Variants in EVI5L observed in about 807,000 individuals in gnomAD.
EVI5L encodes EVI5-like protein.
EVI5L carries 30 observed loss-of-function variants against 106.1 expected under a neutral mutation model. The observed-to-expected ratio is 0.28, with a 90% CI of 0.21 to 0.38. The LOEUF (loss-of-function observed/expected upper bound fraction) is 0.38, where lower values mean the gene tolerates loss of function less well. Ranked by LOEUF, EVI5L falls within the 10% of genes least tolerant of loss-of-function variation. The pLI, the probability that EVI5L is intolerant of heterozygous loss-of-function variation, is 1.00. For missense variants in EVI5L, 809 were observed against 1,098.0 expected, an observed-to-expected ratio of 0.74 and a Z score of 3.72; for synonymous variants, 489 against 483.3, an observed-to-expected ratio of 1.01 and a Z score of -0.15.
chr19:7,851,457 C>G lies in EVI5L; in HGVS notation c.777C>G (p.Thr259=). 6.2e-7 allele frequency: 1 copy of G among 1,613,084 alleles called. No homozygotes were observed. Among genetic ancestry groups the G allele is most frequent in the Non-Finnish European group, 8.5e-7 (1 of 1,179,526 alleles). Residue 259 remains threonine (T), a synonymous_variant, in exon 7 of 20, where the codon ACC becomes ACG. Coordinates refer to ENST00000538904, the MANE Select transcript of EVI5L (RefSeq NM_001159944.3). ...MLQEQLPDLN[T]HFRSQSFHTS... is the part of the protein sequence containing the mutation. ...AGGAGCAGCTCCCAGACCTCAACAC[C>G]CACTTCCGTTCCCAAAGCTTCCACA...
rs1230971785 is a variant in EVI5L, at chr19:7,850,562, G to A, written c.753+440G>A. ...CTGCTCCCGGCTGGCAGGCAGAGCC[G>A]CCAAGGCCGTTTGCGAACATACACA... On this transcript the variant is annotated intron_variant, in intron 6 of 19. Coordinates refer to ENST00000538904, the MANE Select transcript of EVI5L (RefSeq NM_001159944.3). This position sits in a 1 kb window ranked among gnomAD's most constrained non-coding sequence, Gnocchi z 5.4. 2.0e-5 allele frequency among the ~76,000 whole-genome samples: 3 copies of A among 152,072 alleles called. No homozygotes were observed. The highest frequency in any genetic ancestry group is 7.2e-5 in the African/African-American group (3 of 41,406).
chr19:7,830,921 GC>G (rs1978291295), intron 1 of EVI5L, among the ~76,000 whole-genome samples: 2 of 67,842 alleles, frequency 2.9e-5, no homozygotes, highest in Middle Eastern at 0.012. Flanking sequence ...GGGCCTACCC[GC>G]CCCCCATGCT....
chr19:7,860,750 G>A, intron 14 of EVI5L, 61 bp downstream of exon 14: 1 of 1,498,160 alleles, frequency 6.7e-7, no homozygotes, highest in Non-Finnish European at 8.9e-7. Flanking sequence ...GAGGGGTCCT[G>A]GATAAGCTTT....
intron 2 of EVI5L, 130 bp downstream of exon 2, chr19:7,846,809 G>C: frequency 1.6e-6 from 2 of 1,264,490 alleles, no homozygotes; most frequent in South Asian, 3.1e-5. Context: ...CCAGATGCTG[G>C]ATGAGGGACA....
chr19:7,856,047 G>A lies in EVI5L; in HGVS notation c.1179G>A (p.Gln393=). 7.5e-7 allele frequency: 1 copy of A among 1,330,666 alleles called. No individual in the cohort carries two copies. Among genetic ancestry groups the A allele is most frequent in the South Asian group, 2.7e-5 (1 of 37,628 alleles). The allele number at this position is 1,330,666 out of a possible 1,614,324, so 82.4% of individuals were successfully genotyped here. Residue 393 remains glutamine, a synonymous_variant, in exon 11 of 20, where the codon CAG becomes CAA. Transcript: ENST00000538904. The surrounding 1 kb of genome is among the most constrained non-coding windows in gnomAD (Gnocchi z 6.6). Reference sequence around the variant, plus strand: ...GGACGGAGAACCGGCTCCTGAAACAGCGGATTGAAACCCTAGAGAAGGTGA... The same window carrying A: ...GGACGGAGAACCGGCTCCTGAAACAACGGATTGAAACCCTAGAGAAGGTGA... ...RLRTENRLLK[Q]RIETLEKESA...
chr19:7,838,788 G>GA (rs1406468912), intron 1 of EVI5L, among the ~76,000 whole-genome samples: 1 of 151,990 alleles, frequency 6.6e-6, no homozygotes, highest in East Asian at 1.9e-4. Flanking sequence ...GAGAGAGGGG[G>GA]AAAAGCGAGC....
At chr19:7,862,740 A>ACC (rs71179150) in intron 17 of EVI5L, among the ~76,000 whole-genome samples, 3,453 of 22,790 alleles carry the variant, frequency 0.15, 260 homozygotes, top group South Asian at 0.34. Context: ...CCTCCTGACC[A>ACC]CCCCCCCCCG....
rs1447492817 is a variant in EVI5L at position 7,864,470 on chromosome 19, G to A, written c.*768G>A. ...CGCGCCCCCTATCCTGGCCAGTGAT[G>A]GAGGGGTATCTCTACAGGGGTCCTC... On this transcript the variant is annotated 3_prime_UTR_variant, in exon 20 of 20. Coordinates refer to ENST00000538904, the MANE Select transcript of EVI5L (RefSeq NM_001159944.3). This position sits in a 1 kb window ranked among gnomAD's most constrained non-coding sequence, Gnocchi z 4.5. 6.6e-6 allele frequency: 1 copy of A among 152,376 alleles called. No individual in the cohort carries two copies. The highest frequency in any genetic ancestry group is 1.5e-5 in the Non-Finnish European group (1 of 68,064). The allele number at this position is 152,376 out of a possible 1,614,324, so 9.4% of individuals were successfully genotyped here. A position where few individuals can be genotyped will look rare whatever the true frequency, so the allele number is the denominator to read the frequency against.
chr19:7,862,832 CGCCCCTGCCCGCGGTCCT>C, intron 17 of EVI5L, 122 bp from the exon 18 acceptor site: 1 of 535,500 alleles, frequency 1.9e-6, no homozygotes, highest in Non-Finnish European at 3.0e-6. Flanking sequence ...CCCGCGGTCC[CGCCCCTGCCCGCGGTCCT>C]GCCTCCTGAC....
chr19:7,859,437 C>T (rs958095244), intron 13 of EVI5L, among the ~76,000 whole-genome samples: 1 of 152,214 alleles, frequency 6.6e-6, no homozygotes, highest in African/African-American at 2.4e-5. Context: ...TACAGAGGTG[C>T]CCCCTCCGCC....
chr19:7,834,363 A>G (rs1978313931), intron 1 of EVI5L, among the ~76,000 whole-genome samples: 1 of 152,168 alleles, frequency 6.6e-6, no homozygotes, highest in East Asian at 1.9e-4. Context: ...TTAAAAAAAG[A>G]AAAATGAGGG....
chr19:7,852,397 G>A (rs1409091246), intron 8 of EVI5L, among the ~76,000 whole-genome samples: 1 of 152,194 alleles, frequency 6.6e-6, no homozygotes, highest in Non-Finnish European at 1.5e-5. Flanking sequence ...CAGGAGCTGT[G>A]TCCCCCCTGG....
chr19:7,860,540 G>A (rs373373373), intron 13 of EVI5L, 21 bp from the exon 14 acceptor site: 67 of 1,561,324 alleles, frequency 4.3e-5, no homozygotes, highest in African/African-American at 1.1e-4. Flanking sequence ...GGGGCCCCAC[G>A]CAGCTCTCTG....
chr19:7,853,264 G>A lies in EVI5L; in HGVS notation c.1086-9G>A, dbSNP rs1454416493. 5.0e-6 allele frequency: 8 copies of A among 1,613,858 alleles called. No homozygotes were observed. The highest frequency in any genetic ancestry group is 6.8e-6 in the Non-Finnish European group (8 of 1,179,922). ...ATGACAGTAACCACGGGGCCCTCCC[G>A]ATCTGCAGGCTGGAGAAGGAGTACG... On this transcript the variant is annotated splice_polypyrimidine_tract_variant and intron_variant, in intron 9 of 19. Coordinates refer to ENST00000538904, the MANE Select transcript of EVI5L (RefSeq NM_001159944.3).
chr19:7,840,232 A>G (rs1978541241), intron 1 of EVI5L, among the ~76,000 whole-genome samples: 1 of 152,246 alleles, frequency 6.6e-6, no homozygotes. Flanking sequence ...TAATCCCAGC[A>G]CTTTGAGAGA....
chr19:7,855,904 G>A lies in EVI5L; in HGVS notation c.1147-111G>A, dbSNP rs996452237. The stretch of plus-strand genomic sequence containing the variant: ...GTAAGATGCTGGCTGTGCCCTGCCC[G>A]GAAAAGTGGCCTGGCCCTAAGGGGA... On this transcript the variant is annotated intron_variant, in intron 10 of 19. Transcript: ENST00000538904. The A allele has an allele frequency of 4.1e-5, 41 of 989,356 alleles. No individual in the cohort carries two copies. The East Asian group carries it at 8.9e-4, about 21-fold the overall frequency. The allele number at this position is 989,356 out of a possible 1,614,324, so 61.3% of individuals were successfully genotyped here.
At position 7,863,522 on chromosome 19, in the gene EVI5L, G is replaced by A. The variant is rs750104841; in HGVS notation, c.2238G>A (p.Ser746=). 10 of 1,595,774 alleles carry A rather than the reference G, an allele frequency of 6.3e-6. No homozygotes were observed. The highest frequency in any genetic ancestry group is 8.5e-6 in the Non-Finnish European group (10 of 1,172,168). The change falls in exon 20 of 20, where the codon TCG becomes TCA. Residue 746 remains serine, a synonymous_variant. Coordinates refer to ENST00000538904, the MANE Select transcript of EVI5L (RefSeq NM_001159944.3). The surrounding 1 kb of genome is among the most constrained non-coding windows in gnomAD (Gnocchi z 7.7). ...TGGACGAGGACTCGCTGCCGTCGTC[G>A]GACGAGGAGCTACTTGGCGTAGGCG... is the stretch of plus-strand genomic sequence containing the variant. ...RHLDEDSLPS[S]DEELLGVGVG... is the part of the protein sequence containing the mutation.
intron 1 of EVI5L, among the ~76,000 whole-genome samples, chr19:7,832,188 C>T (rs73923916): frequency 0.071 from 10,788 of 152,194 alleles, 398 homozygotes; most frequent in Middle Eastern, 0.12. Context: ...CTGTGGTCAG[C>T]GGAGGGTGGT....
At chr19:7,855,224 TC>T (rs1182910371) in intron 10 of EVI5L, among the ~76,000 whole-genome samples, 1 of 151,354 alleles carries the variant, frequency 6.6e-6, no homozygotes, top group East Asian at 1.9e-4. Flanking sequence ...CAAGTGATTC[TC>T]CTGCCTCAGC....
Sources: allele counts gnomAD v4.1 joint callset (sites outside exome capture counted in the v4.1 genomes callset), GRCh38; gene constraint gnomAD v4.1.1; non-coding constraint Gnocchi (gnomAD v3.1); transcripts MANE v1.5; gene names NCBI Gene and HGNC (gene_info 2026-07-23, HGNC 2026-07-21).